Variants in DCC observed in about 807,000 individuals in gnomAD.
DCC encodes the protein DCC netrin 1 receptor, also known as netrin receptor DCC.
In DCC, 58 loss-of-function variants were observed where a neutral mutation model predicts 172.5. The ratio of observed to expected loss-of-function variants is 0.34; its 90% CI spans 0.27 to 0.42. The LOEUF is 0.42. DCC is among the 10% of genes least tolerant of loss of function. The pLI, the probability that DCC is intolerant of heterozygous loss-of-function variation, is 1.00. For synonymous variants in DCC, 709 were observed against 644.5 expected (o/e 1.10, Z -1.52); for missense variants, 1,740 against 1,791.0 (o/e 0.97, Z 0.51).
chr18:52,568,372 A>G (rs768031491), intron 1 of DCC, among the ~76,000 whole-genome samples: 9 of 152,158 alleles, frequency 5.9e-5, no homozygotes, highest in South Asian at 2.1e-4. Flanking sequence ...CATCCAATGT[A>G]TTATTCTTTA....
At chr18:53,091,603 T>C (rs1331314352) in intron 7 of DCC, among the ~76,000 whole-genome samples, 3 of 151,452 alleles carry the variant, frequency 2.0e-5, no homozygotes, top group Non-Finnish European at 4.4e-5. Flanking sequence ...GCTTCTTGTA[T>C]CCTCGTACGG....
chr18:53,206,043 TATA>T (rs1404558752), intron 10 of DCC, among the ~76,000 whole-genome samples: 1 of 133,838 alleles, frequency 7.5e-6, no homozygotes, highest in Non-Finnish European at 1.6e-5. Context: ...TATGTGTATA[TATA>T]ATATGTATAC....
chr18:52,668,407 A>G (rs936344699), intron 1 of DCC, among the ~76,000 whole-genome samples: 3 of 152,258 alleles, frequency 2.0e-5, no homozygotes, highest in African/African-American at 7.2e-5. Context: ...ACATCTACTC[A>G]GACTACATTT....
intron 2 of DCC, among the ~76,000 whole-genome samples, chr18:52,883,322 TA>T (rs1156906264): frequency 3.6e-5 from 2 of 55,218 alleles, no homozygotes; most frequent in African/African-American, 1.1e-4. Context: ...ATTTTTATTT[TA>T]TTTTTTATTT....
chr18:53,177,403 C>T (rs989710036), intron 8 of DCC, among the ~76,000 whole-genome samples: 3 of 152,156 alleles, frequency 2.0e-5, no homozygotes, highest in Admixed American at 1.3e-4. Context: ...CTCCTGGCAG[C>T]CACTCAGGGT....
chr18:52,577,644 C>T (rs1403780538), intron 1 of DCC, among the ~76,000 whole-genome samples: 1 of 152,182 alleles, frequency 6.6e-6, no homozygotes, highest in Non-Finnish European at 1.5e-5. Context: ...CCCCTCCCCA[C>T]TTAGATGAAG....
intron 2 of DCC, among the ~76,000 whole-genome samples, chr18:52,828,744 C>T (rs2038558340): frequency 6.6e-6 from 1 of 152,104 alleles, no homozygotes; most frequent in African/African-American, 2.4e-5. Context: ...TCTACCTTGG[C>T]AATGACATCT....
intron 23 of DCC, among the ~76,000 whole-genome samples, chr18:53,456,046 G>A (rs767804065): frequency 1.3e-5 from 2 of 152,142 alleles, no homozygotes; most frequent in Non-Finnish European, 2.9e-5. Context: ...TATCACAAAG[G>A]GAGCAGCTGG....
chr18:53,447,933 T>A (rs1014916315), intron 22 of DCC, among the ~76,000 whole-genome samples: 17 of 152,076 alleles, frequency 1.1e-4, no homozygotes, highest in Non-Finnish European at 2.1e-4. Context: ...TAACAGAAAG[T>A]GCTGTTATTT....
chr18:52,828,517 C>T (rs1346973715), intron 2 of DCC, among the ~76,000 whole-genome samples: 1 of 151,998 alleles, frequency 6.6e-6, no homozygotes, highest in African/African-American at 2.4e-5. Context: ...TACCGAAAGT[C>T]TCCAATTTCA....
chr18:53,393,886 C>G (rs1031583172), intron 17 of DCC, among the ~76,000 whole-genome samples: 1 of 130,598 alleles, frequency 7.7e-6, no homozygotes, highest in Non-Finnish European at 1.7e-5. Context: ...CTTTCAATTA[C>G]TAATGTACTA....
At chr18:52,796,423 C>A (rs952415314) in intron 2 of DCC, among the ~76,000 whole-genome samples, 1 of 152,030 alleles carries the variant, frequency 6.6e-6, no homozygotes, top group Admixed American at 6.5e-5. Flanking sequence ...TTTATACTTT[C>A]ATGTATTTCC....
chr18:53,106,894 T>C (rs1166531952), intron 7 of DCC, among the ~76,000 whole-genome samples: 1 of 151,962 alleles, frequency 6.6e-6, no homozygotes, highest in African/African-American at 2.4e-5. Context: ...AGATTGTTAA[T>C]CTTCGTGTAA....
At chr18:53,385,318 A>G (rs1908084317) in intron 15 of DCC, among the ~76,000 whole-genome samples, 2 of 152,178 alleles carry the variant, frequency 1.3e-5, no homozygotes, top group Admixed American at 6.5e-5. Flanking sequence ...AGAGATAAAA[A>G]TTGACAGAAA....
intron 7 of DCC, among the ~76,000 whole-genome samples, chr18:53,146,454 C>A (rs142837094): frequency 2.1e-4 from 32 of 152,210 alleles, no homozygotes; most frequent in African/African-American, 7.5e-4. Context: ...AAAACTGGGG[C>A]AAACTCTTTG....
chr18:53,281,701 T>A (rs1159954962), intron 12 of DCC, among the ~76,000 whole-genome samples: 1 of 151,996 alleles, frequency 6.6e-6, no homozygotes, highest in Non-Finnish European at 1.5e-5. Context: ...GTTATTAGTT[T>A]GCAATTGGCC....
intron 1 of DCC, among the ~76,000 whole-genome samples, chr18:52,664,850 A>T (rs1211310390): frequency 6.6e-6 from 1 of 152,158 alleles, no homozygotes; most frequent in Non-Finnish European, 1.5e-5. Context: ...AATTTAATTG[A>T]ACCAAGGTCA....
chr18:53,499,902 C>A (rs1190709026), intron 27 of DCC, among the ~76,000 whole-genome samples: 1 of 152,158 alleles, frequency 6.6e-6, no homozygotes, highest in Admixed American at 6.5e-5. Flanking sequence ...ATCTGCAAAA[C>A]CACTTTTTAG....
At chr18:53,155,113 A>G (rs1794789005) in intron 7 of DCC, among the ~76,000 whole-genome samples, 1 of 150,136 alleles carries the variant, frequency 6.7e-6, no homozygotes, top group Non-Finnish European at 1.5e-5. Flanking sequence ...TTTTTTTGCC[A>G]TTCTTTAAAA....
Sources: gnomAD v4.1 joint callset for allele counts (sites outside exome capture counted in the v4.1 genomes callset) on GRCh38, gnomAD v4.1.1 for gene constraint, MANE v1.5 for transcripts, NCBI Gene and HGNC (gene_info 2026-07-23, HGNC 2026-07-21) for gene names.